Variants in CSTPP1 observed in about 807,000 individuals in gnomAD.
CSTPP1 encodes the protein UPF0705 protein C11orf49.
chr11:47,011,607 G>A, the CSTPP1 span, among the ~76,000 whole-genome samples: 1 of 152,236 alleles, frequency 6.6e-6, no homozygotes. Flanking sequence ...CTTAGAGGTA[G>A]GCCATGTATC....
the CSTPP1 span, among the ~76,000 whole-genome samples, chr11:47,038,683 A>AC: frequency 2.7e-5 from 3 of 113,028 alleles, 1 homozygote; most frequent in East Asian, 2.4e-4. Flanking sequence ...CGGGGGGCTG[A>AC]CCCCCCCACC....
chr11:47,075,373 A>C, the CSTPP1 span, among the ~76,000 whole-genome samples: 1 of 152,168 alleles, frequency 6.6e-6, no homozygotes, highest in Non-Finnish European at 1.5e-5. Context: ...CTTGCCTCAA[A>C]AAATAAATAA....
the CSTPP1 span, among the ~76,000 whole-genome samples, chr11:47,077,756 A>G: frequency 6.6e-6 from 1 of 152,176 alleles, no homozygotes; most frequent in Non-Finnish European, 1.5e-5. Context: ...GTAGCAGGAC[A>G]GAAGGCTCTA....
the CSTPP1 span, among the ~76,000 whole-genome samples, chr11:47,048,388 G>A: frequency 2.6e-5 from 4 of 152,248 alleles, no homozygotes; most frequent in East Asian, 1.9e-4. Flanking sequence ...GGGAAGGTAC[G>A]GTTGAAGGAT....
chr11:47,007,158 G>C, the CSTPP1 span, among the ~76,000 whole-genome samples: 1 of 151,516 alleles, frequency 6.6e-6, no homozygotes, highest in Non-Finnish European at 1.5e-5. Context: ...TCAGCCTCCT[G>C]AGTAGCTGGG....
At chr11:47,048,228 A>G in the CSTPP1 span, among the ~76,000 whole-genome samples, 1 of 152,248 alleles carries the variant, frequency 6.6e-6, no homozygotes, top group Non-Finnish European at 1.5e-5. Flanking sequence ...TATTCACAAT[A>G]GCCAAAAGGT....
At chr11:46,968,237 T>C in the CSTPP1 span, among the ~76,000 whole-genome samples, 1 of 151,610 alleles carries the variant, frequency 6.6e-6, no homozygotes, top group Admixed American at 6.6e-5. Flanking sequence ...AGGAACTCAG[T>C]TGAAATCAAA....
chr11:47,130,750 G>A, the CSTPP1 span: 1 of 152,396 alleles, frequency 6.6e-6, no homozygotes, highest in South Asian at 2.1e-4. Context: ...CCCAGGGATT[G>A]GAAGGGGTGG....
At chr11:46,939,236 A>G in the CSTPP1 span, among the ~76,000 whole-genome samples, 364 of 151,606 alleles carry the variant, frequency 2.4e-3, no homozygotes, top group Non-Finnish European at 3.7e-3. Context: ...GATTACAGGC[A>G]TGCGCCACCA....
the CSTPP1 span, among the ~76,000 whole-genome samples, chr11:46,983,949 G>A: frequency 3.3e-5 from 5 of 152,178 alleles, no homozygotes; most frequent in African/African-American, 9.7e-5. Flanking sequence ...TCTACTTTGC[G>A]AACTAGGAAT....
chr11:47,120,564 G>A, the CSTPP1 span, among the ~76,000 whole-genome samples: 25 of 152,298 alleles, frequency 1.6e-4, no homozygotes, highest in African/African-American at 6.0e-4. The surrounding 1 kb of genome is among the most constrained non-coding windows in gnomAD (Gnocchi z 4.2). Flanking sequence ...TGATGGGGTG[G>A]TGATGGGTCA....
At chr11:46,977,247 A>C in the CSTPP1 span, among the ~76,000 whole-genome samples, 2 of 152,224 alleles carry the variant, frequency 1.3e-5, no homozygotes, top group African/African-American at 4.8e-5. Flanking sequence ...TCAACAAAAC[A>C]GCAGCCAGCA....
the CSTPP1 span, among the ~76,000 whole-genome samples, chr11:47,024,908 G>A: frequency 6.6e-6 from 1 of 151,970 alleles, no homozygotes; most frequent in Non-Finnish European, 1.5e-5. Context: ...ATTGGAAATA[G>A]GAAAAGAAAT....
chr11:46,999,672 A>G, the CSTPP1 span, among the ~76,000 whole-genome samples: 2 of 152,224 alleles, frequency 1.3e-5, no homozygotes, highest in Admixed American at 1.3e-4. Context: ...AGCTGACTAT[A>G]AAGAGCAGGA....
At chr11:47,067,940 T>C in the CSTPP1 span, among the ~76,000 whole-genome samples, 1 of 152,218 alleles carries the variant, frequency 6.6e-6, no homozygotes, top group African/African-American at 2.4e-5. Flanking sequence ...GTTATCAAAT[T>C]GAGCCATCTA....
At chr11:47,112,102 C>T in the CSTPP1 span, among the ~76,000 whole-genome samples, 1 of 152,122 alleles carries the variant, frequency 6.6e-6, no homozygotes, top group Non-Finnish European at 1.5e-5. Context: ...ATGCTCTTCC[C>T]TCAGATGTCT....
the CSTPP1 span, chr11:47,164,315 CAGGGAGCCAGGCCCTGCAGGGGCTTT>C: frequency 2.5e-5 from 38 of 1,503,428 alleles, no homozygotes; most frequent in Non-Finnish European, 3.2e-5. Flanking sequence ...CTCAGACCAA[CAGGGAGCCAGGCCCTGCAGGGGCTTT>C]ATTTTGACAC....
chr11:46,936,915 A>G, the CSTPP1 span: 1 of 435,600 alleles, frequency 2.3e-6, no homozygotes, highest in Non-Finnish European at 3.2e-6. Context: ...AGGGTCTGGG[A>G]GGAGGCGGGG....
At chr11:47,107,843 G>T in the CSTPP1 span, among the ~76,000 whole-genome samples, 5 of 141,380 alleles carry the variant, frequency 3.5e-5, no homozygotes, top group Admixed American at 2.9e-4. Context: ...GGGGGAAACT[G>T]CTCGGTACAA....
Sources: allele counts gnomAD v4.1 joint callset (sites outside exome capture counted in the v4.1 genomes callset), GRCh38; gene constraint gnomAD v4.1.1; non-coding constraint Gnocchi (gnomAD v3.1); transcripts MANE v1.5; gene names NCBI Gene and HGNC (gene_info 2026-07-23, HGNC 2026-07-21).